SLC35B4: variants seen among roughly 807,000 people sequenced by gnomAD.
The protein encoded by SLC35B4 is nucleotide sugar transporter SLC35B4.
Under a neutral mutation model 39.5 loss-of-function variants are expected in SLC35B4, and 28 were observed. The ratio of observed to expected loss-of-function variants is 0.71; its 90% CI spans 0.53 to 0.97. The LOEUF (loss-of-function observed/expected upper bound fraction) is 0.97. SLC35B4 is among the 50% of genes least tolerant of loss of function. The pLI is 0.00. For missense variants in SLC35B4, 334 were observed against 414.3 expected (o/e 0.81, Z 1.68); for synonymous variants, 145 against 150.4 (o/e 0.96, Z 0.26).
rs1029964622 is a variant in SLC35B4 at position 134,294,431 on chromosome 7, A to T, written c.*402T>A. ...AAGGTGATGGGAGACAAAAGGGATA[A>T]GGTCACAGGATGACAATGACTGCTG... On this transcript the variant is annotated 3_prime_UTR_variant, in exon 10 of 10. Transcript: ENST00000378509. 3 of 170,854 alleles carry T rather than the reference A, an allele frequency of 1.8e-5. No homozygotes were observed. In the South Asian group the frequency reaches 4.4e-4, roughly 25 times the overall value. 10.6% of individuals were successfully genotyped at this position (170,854 alleles called of 1,614,324 possible).
chr7:134,317,193 C>G (rs969461787), upstream of SLC35B4: 3 of 174,828 alleles, frequency 1.7e-5, no homozygotes, highest in African/African-American at 7.2e-5. Flanking sequence ...GAAAGTAACT[C>G]GGCCGCCAGG....
chr7:134,295,106 TCTGTAGACTGTA>T, intron 9 of SLC35B4, 27 bp from the exon 10 acceptor site: 1 of 1,611,188 alleles, frequency 6.2e-7, no homozygotes. Context: ...AAGGTAGTTT[TCTGTAGACTGTA>T]CTTGGGGGAT....
At chr7:134,305,594 T>C (rs1243855691) in intron 3 of SLC35B4, among the ~76,000 whole-genome samples, 1 of 152,292 alleles carries the variant, frequency 6.6e-6, no homozygotes, top group South Asian at 2.1e-4. Flanking sequence ...AGACTTATTT[T>C]TGTCAAAATT....
At chr7:134,295,364 G>A (rs1173096561) in intron 9 of SLC35B4, among the ~76,000 whole-genome samples, 2 of 151,936 alleles carry the variant, frequency 1.3e-5, no homozygotes, top group Admixed American at 6.6e-5. Flanking sequence ...ATGACAGAGG[G>A]TGACGCTCTC....
At chr7:134,297,830 G>A (rs1200028587) in intron 8 of SLC35B4, among the ~76,000 whole-genome samples, 2 of 152,186 alleles carry the variant, frequency 1.3e-5, no homozygotes, top group Non-Finnish European at 2.9e-5. Flanking sequence ...GGGCCCAGGA[G>A]CTCGAGACCA....
intron 1 of SLC35B4, among the ~76,000 whole-genome samples, chr7:134,315,590 T>C (rs1030344764): frequency 6.6e-6 from 1 of 150,886 alleles, no homozygotes; most frequent in African/African-American, 2.5e-5. Flanking sequence ...TGTTTAGATT[T>C]GGGTACCATC....
rs992111443 is a variant in SLC35B4 at position 134,290,491 on chromosome 7, C to G, written c.*4342G>C. On this transcript the variant is annotated 3_prime_UTR_variant, in exon 10 of 10. Coordinates refer to ENST00000378509, the MANE Select transcript of SLC35B4 (RefSeq NM_032826.5). ...ATACAGAAATGAGTAAGACATGATC[C>G]CTGGCCCCTCCCATCCCTGGAATGT... 1.3e-5 allele frequency: 2 copies of G among 152,116 alleles called. No individual in the cohort carries two copies. The highest frequency in any genetic ancestry group is 6.5e-5 in the Admixed American group (1 of 15,278). The allele number at this position is 152,116 out of a possible 1,614,324, so 9.4% of individuals were successfully genotyped here. A position where few individuals can be genotyped will look rare whatever the true frequency, so the allele number is the denominator to read the frequency against.
intron 3 of SLC35B4, among the ~76,000 whole-genome samples, 193 bp from the exon 4 acceptor site, chr7:134,305,047 C>T (rs1242711548): frequency 1.3e-5 from 2 of 152,178 alleles, no homozygotes; most frequent in South Asian, 2.1e-4. Flanking sequence ...GATGGCCGGG[C>T]GCGGTGGCTC....
chr7:134,302,345 C>A (rs1331604848), intron 4 of SLC35B4, among the ~76,000 whole-genome samples: 1 of 152,156 alleles, frequency 6.6e-6, no homozygotes, highest in Non-Finnish European at 1.5e-5. Flanking sequence ...AATTTGCTGA[C>A]CAATCGATTA....
At chr7:134,302,277 G>A (rs1447480446) in intron 4 of SLC35B4, among the ~76,000 whole-genome samples, 167 bp from the exon 5 acceptor site, 1 of 152,006 alleles carries the variant, frequency 6.6e-6, no homozygotes, top group Admixed American at 6.5e-5. Flanking sequence ...AATGAATCAG[G>A]ATACTGACTA....
In SLC35B4 at chr7:134,294,705, A is replaced by AAGATTT; in HGVS notation, c.*122_*127dup. ...GAGCAACGTGAGAAGTCCCCTCCTGAAGATTTCCTTTTGCACGGCTGGCTC... is the reference window on the plus strand; with the variant it reads ...GAGCAACGTGAGAAGTCCCCTCCTGAAGATTTAGATTTCCTTTTGCACGGCTGGCTC... On this transcript the variant is annotated 3_prime_UTR_variant, in exon 10 of 10. Transcript: ENST00000378509. 8.1e-7 allele frequency: 1 copy of AAGATTT among 1,229,280 alleles called. No individual in the cohort carries two copies. The highest frequency in any genetic ancestry group is 1.5e-5 in the African/African-American group (1 of 66,452). 76.1% of individuals were successfully genotyped at this position (1,229,280 alleles called of 1,614,324 possible).
chr7:134,311,545 C>T (rs1404923649), intron 1 of SLC35B4, among the ~76,000 whole-genome samples: 1 of 152,170 alleles, frequency 6.6e-6, no homozygotes, highest in Admixed American at 6.5e-5. Flanking sequence ...ATCCCAGCTA[C>T]TCGGGAGGCT....
At chr7:134,300,090 A>T in intron 7 of SLC35B4, 62 bp downstream of exon 7, 1 of 1,167,764 alleles carries the variant, frequency 8.6e-7, no homozygotes, top group Non-Finnish European at 1.2e-6. Context: ...TTAATAGTTC[A>T]CTTGAAGTAA....
chr7:134,306,837 GA>G, intron 2 of SLC35B4, 63 bp from the exon 3 acceptor site: 1 of 1,401,504 alleles, frequency 7.1e-7, no homozygotes, highest in Non-Finnish European at 9.9e-7. Context: ...TCAAGTATAG[GA>G]AATATATATT....
intron 9 of SLC35B4, 22 bp downstream of exon 9, chr7:134,296,369 G>C: frequency 6.2e-7 from 1 of 1,601,724 alleles, no homozygotes; most frequent in Non-Finnish European, 8.6e-7. Flanking sequence ...ACATAAGGGT[G>C]ACGGCACAGT....
intron 1 of SLC35B4, among the ~76,000 whole-genome samples, chr7:134,313,205 C>A (rs1803888494): frequency 6.6e-6 from 1 of 152,184 alleles, no homozygotes; most frequent in Non-Finnish European, 1.5e-5. Context: ...TTTTCTTGAG[C>A]TCTCTTCCTC....
intron 9 of SLC35B4, among the ~76,000 whole-genome samples, chr7:134,295,762 C>T (rs919570466): frequency 6.6e-6 from 1 of 151,998 alleles, no homozygotes; most frequent in Non-Finnish European, 1.5e-5. Flanking sequence ...AGCTTGTGAT[C>T]ACTGGAAATA....
chr7:134,316,823 C>T lies in SLC35B4; in HGVS notation c.-72G>A. On this transcript the variant is annotated 5_prime_UTR_variant, in exon 1 of 10. Coordinates refer to ENST00000378509, the MANE Select transcript of SLC35B4 (RefSeq NM_032826.5). ...CTGTACCGCTACCCCAGGAAGCCGG[C>T]CTCCTGCCTCTTCGCTGCGCAGCAC... The T allele has an allele frequency of 7.0e-7, 1 of 1,435,294 alleles. No individual in the cohort carries two copies. The allele number at this position is 1,435,294 out of a possible 1,614,324, so 88.9% of individuals were successfully genotyped here.
At chr7:134,295,603 T>C (rs953377649) in intron 9 of SLC35B4, among the ~76,000 whole-genome samples, 2 of 152,192 alleles carry the variant, frequency 1.3e-5, no homozygotes, top group Non-Finnish European at 2.9e-5. Context: ...CTTTTTTTTT[T>C]TGAGACAGGG....
Sources: gnomAD v4.1 joint callset for allele counts (sites outside exome capture counted in the v4.1 genomes callset) on GRCh38, gnomAD v4.1.1 for gene constraint, MANE v1.5 for transcripts, NCBI Gene and HGNC (gene_info 2026-07-23, HGNC 2026-07-21) for gene names.